The following NRG3 variants were observed in gnomAD, a reference collection of about 807,000 sequenced individuals.
NRG3 encodes pro-neuregulin-3, membrane-bound isoform.
A neutral mutation model predicts 66.9 loss-of-function variants in NRG3; 31 were observed. The ratio of observed to expected loss-of-function variants is 0.46; its 90% CI spans 0.35 to 0.63. The LOEUF is 0.63. Ranked by LOEUF, NRG3 falls within the 20% of genes least tolerant of loss-of-function variation. The pLI is 0.00. For missense variants in NRG3, 910 were observed against 878.9 expected (o/e 1.04, Z -0.45); for synonymous variants, 393 against 359.4 (o/e 1.09, Z -1.06).
intron 3 of NRG3, among the ~76,000 whole-genome samples, chr10:82,766,128 G>A (rs2059502692): frequency 6.6e-6 from 1 of 152,172 alleles, no homozygotes; most frequent in Admixed American, 6.6e-5. Context: ...GAAGAATTTA[G>A]AGTTTGCTAA....
At position 82,935,626 on chromosome 10, in the gene NRG3, C is replaced by CT. The variant is rs199986835; in HGVS notation, c.1055-15834dup. On this transcript the variant is annotated intron_variant, in intron 4 of 8. Coordinates refer to ENST00000372141, the MANE Select transcript of NRG3 (RefSeq NM_001010848.4). The stretch of plus-strand genomic sequence containing the variant: ...AGTAATTCTATGTTATTATTTTTCT[C>CT]TTTTTTTTTAAACGGAGTCTCGCTC... 3.0e-4 allele frequency among the ~76,000 whole-genome samples: 45 copies of CT among 151,102 alleles called. 1 individual carries two copies. Among genetic ancestry groups the CT allele is most frequent in the African/African-American group, 8.5e-4 (35 of 41,218 alleles).
intron 3 of NRG3, among the ~76,000 whole-genome samples, chr10:82,842,253 A>C (rs2063092478): frequency 6.6e-6 from 1 of 152,182 alleles, no homozygotes; most frequent in Non-Finnish European, 1.5e-5. Context: ...TGAGTCTAAC[A>C]ATTAAAAAAT....
At chr10:82,820,739 G>A (rs1481427796) in intron 3 of NRG3, among the ~76,000 whole-genome samples, 1 of 152,200 alleles carries the variant, frequency 6.6e-6, no homozygotes, top group Non-Finnish European at 1.5e-5. Flanking sequence ...CTATTTCTAA[G>A]TGTTGATGAT....
chr10:82,330,318 G>T (rs548697754), intron 1 of NRG3, among the ~76,000 whole-genome samples: 59 of 151,882 alleles, frequency 3.9e-4, no homozygotes, highest in African/African-American at 1.3e-3. Flanking sequence ...TATATTTTCC[G>T]GTCATTTTTG....
intron 2 of NRG3, among the ~76,000 whole-genome samples, chr10:82,623,354 T>C (rs1422122935): frequency 6.6e-6 from 1 of 152,184 alleles, no homozygotes; most frequent in Non-Finnish European, 1.5e-5. Flanking sequence ...CTATTGCCTT[T>C]AAGGGTCTGT....
intron 1 of NRG3, among the ~76,000 whole-genome samples, chr10:81,887,173 G>A (rs1842675426): frequency 6.6e-6 from 1 of 152,056 alleles, no homozygotes; most frequent in African/African-American, 2.4e-5. Context: ...TGATGGAGTT[G>A]GGTTGCTGCT....
At chr10:82,202,526 G>T (rs1176415534) in intron 1 of NRG3, among the ~76,000 whole-genome samples, 1 of 152,112 alleles carries the variant, frequency 6.6e-6, no homozygotes. Context: ...ATGAATAAGT[G>T]CTACTGAGTA....
At chr10:82,869,625 TGAGAC>T (rs1841105067) in intron 4 of NRG3, among the ~76,000 whole-genome samples, 14 of 146,440 alleles carry the variant, frequency 9.6e-5, no homozygotes, top group African/African-American at 1.6e-4. Flanking sequence ...TATTTTATTT[TGAGAC>T]AGAGTTTCGC....
chr10:82,665,710 C>A (rs2052718018), intron 2 of NRG3, among the ~76,000 whole-genome samples: 1 of 152,158 alleles, frequency 6.6e-6, no homozygotes, highest in Non-Finnish European at 1.5e-5. Flanking sequence ...AACTTCAGTG[C>A]ACCTCCACAT....
At chr10:82,446,431 T>C (rs1383043938) in intron 2 of NRG3, among the ~76,000 whole-genome samples, 2 of 152,098 alleles carry the variant, frequency 1.3e-5, no homozygotes, top group African/African-American at 4.8e-5. Flanking sequence ...GTGGTACATA[T>C]ACACCATGGA....
At chr10:82,736,861 T>TCA (rs775592896) in intron 2 of NRG3, among the ~76,000 whole-genome samples, 2 of 152,150 alleles carry the variant, frequency 1.3e-5, no homozygotes, top group African/African-American at 2.4e-5. Flanking sequence ...TTAAAATCTC[T>TCA]CACAAAGATT....
At chr10:82,742,254 A>T (rs1591379507) in intron 3 of NRG3, among the ~76,000 whole-genome samples, 1 of 152,254 alleles carries the variant, frequency 6.6e-6, no homozygotes. Flanking sequence ...ATTAAATTTT[A>T]AAAATAAAAT....
chr10:82,919,042 G>A (rs185766531), intron 4 of NRG3, among the ~76,000 whole-genome samples: 1 of 150,320 alleles, frequency 6.7e-6, no homozygotes, highest in African/African-American at 2.5e-5. Flanking sequence ...TTATCTGGTA[G>A]GTAAGCTGAA....
intron 1 of NRG3, among the ~76,000 whole-genome samples, chr10:82,346,316 A>T (rs1366113338): frequency 6.0e-5 from 9 of 149,206 alleles, no homozygotes. Flanking sequence ...GCATCTATTG[A>T]GATAATCATG....
rs987803836 is a variant in NRG3 at position 81,876,050 on chromosome 10, A to G, written c.710A>G (p.Asp237Gly). The change falls in exon 1 of 9, where the codon GAT becomes GGT. Residue 237 changes from aspartate (D) to glycine (G), a missense_variant. Physicochemically the swap from Asp to Gly is moderately conservative, Grantham distance 94. Coordinates refer to ENST00000372141, the MANE Select transcript of NRG3 (RefSeq NM_001010848.4). ...AAYATSSYLH[D>G]STPSWTLSPF... ...TACGCTACCTCCTCCTACCTTCACG[A>G]TTCTACTCCCTCCTGGACCCTGTCT... is the stretch of plus-strand genomic sequence containing the variant. 5 of 1,613,554 alleles carry G rather than the reference A, an allele frequency of 3.1e-6. No individual in the cohort carries two copies. Among genetic ancestry groups the G allele is most frequent in the Non-Finnish European group, 1.7e-6 (2 of 1,179,938 alleles).
intron 4 of NRG3, among the ~76,000 whole-genome samples, chr10:82,907,615 A>G (rs1844877295): frequency 6.6e-6 from 1 of 152,180 alleles, no homozygotes; most frequent in African/African-American, 2.4e-5. Context: ...GGGCCTATGG[A>G]ACCTTCGTAG....
intron 1 of NRG3, among the ~76,000 whole-genome samples, chr10:82,118,982 T>G (rs2067905721): frequency 6.6e-6 from 1 of 152,162 alleles, no homozygotes; most frequent in Non-Finnish European, 1.5e-5. Flanking sequence ...GTGTCCTGCT[T>G]AAAGGCAAGT....
intron 4 of NRG3, among the ~76,000 whole-genome samples, chr10:82,873,135 C>G (rs1841495998): frequency 6.6e-6 from 1 of 152,038 alleles, no homozygotes; most frequent in Non-Finnish European, 1.5e-5. Flanking sequence ...TAATGATGCT[C>G]CTGGGATTGG....
chr10:82,789,877 G>A (rs1276527775), intron 3 of NRG3, among the ~76,000 whole-genome samples: 4 of 151,258 alleles, frequency 2.6e-5, no homozygotes, highest in Non-Finnish European at 5.9e-5. Flanking sequence ...TTTCCCTGTG[G>A]ATTACAATGA....
Sources: gnomAD v4.1 joint callset for allele counts (sites outside exome capture counted in the v4.1 genomes callset) on GRCh38, gnomAD v4.1.1 for gene constraint, MANE v1.5 for transcripts, NCBI Gene and HGNC (gene_info 2026-07-23, HGNC 2026-07-21) for gene names.